The following IFT122 variants were observed in gnomAD, a reference collection of about 807,000 sequenced individuals.
IFT122 encodes the protein intraflagellar transport protein 122 homolog.
Under a neutral mutation model 161.6 loss-of-function variants are expected in IFT122, and 118 were observed. That is an observed-to-expected ratio of 0.73 (90% CI 0.63 to 0.85). The LOEUF (loss-of-function observed/expected upper bound fraction) is 0.85. IFT122 is among the 40% of genes least tolerant of loss of function. IFT122 has a pLI of 0.00. For missense variants in IFT122, 1,381 were observed against 1,579.6 expected, an observed-to-expected ratio of 0.87 and a Z score of 2.13; for synonymous variants, 550 against 602.4, an observed-to-expected ratio of 0.91 and a Z score of 1.27.
At chr3:129,504,024 C>T (rs1028877902) in intron 20 of IFT122, 1 of 411,204 alleles carries the variant, frequency 2.4e-6, no homozygotes, top group Non-Finnish European at 4.6e-6. Flanking sequence ...CTACAGGAGC[C>T]CACGCAAACC....
intron 1 of IFT122, among the ~76,000 whole-genome samples, chr3:129,447,137 T>G (rs2074108407): frequency 6.6e-6 from 1 of 152,082 alleles, no homozygotes; most frequent in Admixed American, 6.6e-5. Context: ...GCAAGAAGAG[T>G]CAAACTGCAA....
chr3:129,496,007 G>A (rs1395988377), intron 18 of IFT122, among the ~76,000 whole-genome samples: 1 of 152,258 alleles, frequency 6.6e-6, no homozygotes, highest in Non-Finnish European at 1.5e-5. Context: ...CGATCATGCA[G>A]GACGACATGG....
At chr3:129,500,614 A>C (rs974768860) in intron 19 of IFT122, among the ~76,000 whole-genome samples, 1 of 152,242 alleles carries the variant, frequency 6.6e-6, no homozygotes, top group African/African-American at 2.4e-5. Flanking sequence ...CTCTTAGGAG[A>C]CACTCTTTCC....
At chr3:129,482,438 G>A (rs1239159548) in intron 14 of IFT122, among the ~76,000 whole-genome samples, 3 of 152,206 alleles carry the variant, frequency 2.0e-5, no homozygotes, top group Middle Eastern at 3.2e-3. Context: ...AGCCCCTCCT[G>A]ACTGGTTTCC....
At chr3:129,485,879 CG>C (rs2079214958) in intron 15 of IFT122, among the ~76,000 whole-genome samples, 1 of 152,272 alleles carries the variant, frequency 6.6e-6, no homozygotes, top group African/African-American at 2.4e-5. Context: ...GTTCATCTGT[CG>C]CCTCTGCCTC....
chr3:129,486,052 G>A (rs912755444), intron 15 of IFT122, among the ~76,000 whole-genome samples: 2 of 152,194 alleles, frequency 1.3e-5, no homozygotes, highest in African/African-American at 4.8e-5. Context: ...TCAAGGCGGT[G>A]GTGACTTCAT....
Position 129,461,160 on chromosome 3 carries a change from T to C in IFT122, c.273-68T>C, listed in dbSNP as rs2076174715. The C allele has an allele frequency of 3.1e-6, 4 of 1,286,952 alleles. No homozygotes were observed. In the African/African-American group the frequency reaches 4.4e-5, roughly 14 times the overall value. The allele number at this position is 1,286,952 out of a possible 1,614,324, so 79.7% of individuals were successfully genotyped here. A position where few individuals can be genotyped will look rare whatever the true frequency, so the allele number is the denominator to read the frequency against. On this transcript the variant is annotated intron_variant, in intron 4 of 29. Coordinates refer to ENST00000348417, the MANE Select transcript of IFT122 (RefSeq NM_052989.3). Reference sequence around the variant, plus strand: ...AGAGGCTGTGGGCTCATTATTAAAATCTTCAGTTGTAGCCACTGAAATCTT... The same window carrying C: ...AGAGGCTGTGGGCTCATTATTAAAACCTTCAGTTGTAGCCACTGAAATCTT...
rs376549217 is a variant in IFT122, at chr3:129,506,439, C to T, written c.2681C>T (p.Ala894Val). Residue 894 changes from alanine (A) to valine (V), a missense_variant, in exon 22 of 30, where the codon GCG becomes GTG. This residue lies in a region of IFT122 where 496 missense variants were observed against 502.5 expected (regional missense o/e 0.99). Coordinates refer to ENST00000348417, the MANE Select transcript of IFT122 (RefSeq NM_052989.3). ...CACAAGGCTGGGCGACAGAGAGAAG[C>T]GGTCCAGGTGCTGGAGCAGCTCACA... ...AFHKAGRQRE[A>V]VQVLEQLTNN... The T allele has an allele frequency of 2.7e-5, 43 of 1,614,146 alleles. No homozygotes were observed. The East Asian group carries it at 7.8e-4, about 29-fold the overall frequency.
chr3:129,474,217 G>A (rs923709323), intron 9 of IFT122, among the ~76,000 whole-genome samples: 5 of 152,106 alleles, frequency 3.3e-5, no homozygotes, highest in African/African-American at 1.2e-4. Flanking sequence ...GTTCAAAATT[G>A]GATGCCTTAA....
In IFT122 at chr3:129,451,899, T is replaced by G; in HGVS notation, c.109-15T>G. The G allele has an allele frequency of 1.2e-6, 2 of 1,603,716 alleles. No individual in the cohort carries two copies. Among genetic ancestry groups the G allele is most frequent in the Non-Finnish European group, 1.7e-6 (2 of 1,170,574 alleles). ...AGATATCACATAGATAATCTGTATT[T>G]GTCTCTTTTGCCAGGTTTATGACAC... On this transcript the variant is annotated splice_polypyrimidine_tract_variant and intron_variant, in intron 2 of 29. Coordinates refer to ENST00000348417, the MANE Select transcript of IFT122 (RefSeq NM_052989.3).
intron 16 of IFT122, 45 bp from the exon 17 acceptor site, chr3:129,492,096 A>T: frequency 6.7e-7 from 1 of 1,498,564 alleles, no homozygotes; most frequent in Non-Finnish European, 9.3e-7. Context: ...CCCACTTTTG[A>T]AGCCAAGAAG....
chr3:129,486,595 G>T (rs1403084360), intron 15 of IFT122, among the ~76,000 whole-genome samples: 2 of 152,186 alleles, frequency 1.3e-5, no homozygotes, highest in Non-Finnish European at 2.9e-5. Context: ...AGCCCTGAGA[G>T]GTCTGGAAAG....
chr3:129,482,460 A>G (rs889100714), intron 14 of IFT122, among the ~76,000 whole-genome samples: 3 of 152,304 alleles, frequency 2.0e-5, no homozygotes, highest in South Asian at 4.1e-4. Flanking sequence ...CGGCCACTGC[A>G]GGGTTTCCTG....
At chr3:129,492,816 C>CTTTTTTTTTTTTTT (rs376279677) in intron 17 of IFT122, among the ~76,000 whole-genome samples, 1 of 125,716 alleles carries the variant, frequency 8.0e-6, no homozygotes. Context: ...CTTTTTTTTT[C>CTTTTTTTTTTTTTT]TTTTTTTTTT....
intron 25 of IFT122, 134 bp downstream of exon 25, chr3:129,514,688 G>A: frequency 2.0e-6 from 2 of 1,005,126 alleles, no homozygotes; most frequent in South Asian, 2.7e-5. Flanking sequence ...CCCTGCTCAA[G>A]CCTGGCCATG....
intron 4 of IFT122, among the ~76,000 whole-genome samples, chr3:129,458,943 A>C (rs1300103837): frequency 6.6e-6 from 1 of 151,862 alleles, no homozygotes; most frequent in Non-Finnish European, 1.5e-5. Flanking sequence ...ACTTTATCCC[A>C]CCCCCAACCT....
At position 129,516,694 on chromosome 3, in the gene IFT122, GCACA is replaced by G. The variant is rs771398986; in HGVS notation, c.3266-746_3266-743del. Reference sequence around the variant, plus strand: ...CCCTGCACACACACAGATTGCTCCTGCACACACACACACACACACACACACACAC... The same window carrying G: ...CCCTGCACACACACAGATTGCTCCTGCACACACACACACACACACACACAC... On this transcript the variant is annotated intron_variant, in intron 26 of 29. Coordinates refer to ENST00000348417, the MANE Select transcript of IFT122 (RefSeq NM_052989.3). Among the ~76,000 whole-genome samples the G allele has an allele frequency of 8.0e-3, 403 of 50,192 alleles. 7 individuals carry two copies. Among genetic ancestry groups the G allele is most frequent in the East Asian group, 0.02 (24 of 1,214 alleles). The allele number at this position is 50,192 out of a possible 152,430, so 32.9% of individuals were successfully genotyped here.
At chr3:129,512,930 G>T in intron 24 of IFT122, 1 of 178,396 alleles carries the variant, frequency 5.6e-6, no homozygotes, top group Non-Finnish European at 1.2e-5. Flanking sequence ...CTGAGGTCAG[G>T]GCCATGGTCA....
At chr3:129,517,267 T>TGCGCGCGCGCGCGCGCGC (rs1393052402) in intron 26 of IFT122, among the ~76,000 whole-genome samples, 1 of 89,796 alleles carries the variant, frequency 1.1e-5, no homozygotes, top group Admixed American at 1.2e-4. Flanking sequence ...ACATTGCTCC[T>TGCGCGCGCGCGCGCGCGC]GCACACACAC....
Sources: gnomAD v4.1 joint callset for allele counts (sites outside exome capture counted in the v4.1 genomes callset) on GRCh38, gnomAD v4.1.1 for gene constraint, gnomAD v4.1.1 regional missense constraint, MANE v1.5 for transcripts, NCBI Gene and HGNC (gene_info 2026-07-23, HGNC 2026-07-21) for gene names.